PLAC1: variants seen among roughly 807,000 people sequenced by gnomAD.
PLAC1 encodes the protein placenta associated 1, also known as placenta-specific protein 1.
For synonymous variants in PLAC1, 68 were observed against 62.1 expected, an observed-to-expected ratio of 1.09 and a Z score of -0.44; for missense variants, 136 against 163.2, an observed-to-expected ratio of 0.83 and a Z score of 0.91.
intron 1 of PLAC1, among the ~76,000 whole-genome samples, chrX:134,647,778 T>C (rs1013564186): frequency 9.0e-6 from 1 of 111,578 alleles, no homozygotes; most frequent in Non-Finnish European, 1.9e-5. Flanking sequence ...TTGTGTCATA[T>C]CCATAACCTT....
At chrX:134,580,980 C>T (rs1474746237) in intron 2 of PLAC1, among the ~76,000 whole-genome samples, 2 of 112,041 alleles carry the variant, frequency 1.8e-5, no homozygotes, top group Non-Finnish European at 3.8e-5. Flanking sequence ...AATAAATCTT[C>T]CTGAATGGAA....
chrX:134,744,294 A>G (rs1223076535), intron 1 of PLAC1, among the ~76,000 whole-genome samples: 3 of 110,134 alleles, frequency 2.7e-5, no homozygotes, highest in Non-Finnish European at 3.8e-5. Flanking sequence ...AAAAAAAAAA[A>G]AAAGAAAAAG....
chrX:134,737,058 G>A (rs1192564014), intron 1 of PLAC1, among the ~76,000 whole-genome samples: 3 of 112,288 alleles, frequency 2.7e-5, no homozygotes, highest in Non-Finnish European at 3.8e-5. Context: ...CTAGCAGCCC[G>A]GTGACCTATT....
chrX:134,722,452 C>G (rs1412606374), intron 2 of PLAC1, among the ~76,000 whole-genome samples: 2 of 112,080 alleles, frequency 1.8e-5, no homozygotes, highest in Admixed American at 1.9e-4. Context: ...TACACGATTC[C>G]ACTTACATGA....
intron 2 of PLAC1, among the ~76,000 whole-genome samples, chrX:134,588,290 T>TTTTTTTTA (rs1432747413): frequency 1.0e-3 from 75 of 74,655 alleles, no homozygotes; most frequent in African/African-American, 3.2e-3. Context: ...GAACTCTTTA[T>TTTTTTTTA]TTTATTTATT....
chrX:134,680,298 A>G (rs779258713), intron 2 of PLAC1, among the ~76,000 whole-genome samples: 1 of 111,679 alleles, frequency 9.0e-6, no homozygotes, highest in African/African-American at 3.3e-5. Flanking sequence ...TGACCTGGCT[A>G]AAGTCATGCA....
rs149596763 is a variant in PLAC1 at position 134,693,261 on chromosome X, C to G, written n.174+40174G>C. ...CTGCCTCCAGCTCTCCAGTATTACC[C>G]ATATCTCACCAAGTTCAAAAGTGAT... On this transcript the variant is annotated intron_variant and non_coding_transcript_variant, in intron 2 of 2. Coordinates refer to the PLAC1 transcript ENST00000466797. Among the ~76,000 whole-genome samples the G allele has an allele frequency of 4.1e-3, 461 of 111,490 alleles. 1 individual carries two copies. The highest frequency in any genetic ancestry group is 0.015 in the African/African-American group (446 of 30,630).
intron 2 of PLAC1, among the ~76,000 whole-genome samples, chrX:134,577,237 G>C (rs747939608): frequency 4.5e-5 from 5 of 112,183 alleles, no homozygotes; most frequent in Admixed American, 1.9e-4. Flanking sequence ...TAATATCAGG[G>C]AGACGTTCCC....
intron 1 of PLAC1, among the ~76,000 whole-genome samples, chrX:134,760,636 T>G (rs1454910547): frequency 1.8e-5 from 2 of 108,986 alleles, no homozygotes; most frequent in Non-Finnish European, 3.8e-5. Context: ...CAGTGTTAGG[T>G]TAAAAAAAAA....
Position 134,678,287 on chromosome X carries a change from C to A in PLAC1, n.174+55148G>T, listed in dbSNP as rs959429785. The stretch of plus-strand genomic sequence containing the variant: ...CTACCAACCTCTCCAAACTCATTTC[C>A]TGCCACTCTTCTGGTCACTGTCTGT... On this transcript the variant is annotated intron_variant and non_coding_transcript_variant, in intron 2 of 2. Coordinates refer to the PLAC1 transcript ENST00000466797. Among the ~76,000 whole-genome samples the A allele has an allele frequency of 4.5e-5, 5 of 111,907 alleles. No individual in the cohort carries two copies. The East Asian group carries it at 1.4e-3, about 31-fold the overall frequency.
chrX:134,708,892 C>T (rs1033738527), intron 2 of PLAC1, among the ~76,000 whole-genome samples: 2 of 111,107 alleles, frequency 1.8e-5, no homozygotes, highest in Non-Finnish European at 3.8e-5. Context: ...GAATTATATA[C>T]ACACATATTG....
intron 2 of PLAC1, among the ~76,000 whole-genome samples, chrX:134,693,598 C>T (rs2078551665): frequency 9.0e-6 from 1 of 111,683 alleles, no homozygotes; most frequent in East Asian, 2.8e-4. Flanking sequence ...CATAGCTTCT[C>T]CTGTCTTGTT....
In PLAC1 at chrX:134,619,018, A is replaced by G. The variant is rs746104306; in HGVS notation, c.-130-16896T>C. Among the ~76,000 whole-genome samples, 272 of 112,509 alleles carry G rather than the reference A, an allele frequency of 2.4e-3. 3 individuals carry two copies. The highest frequency in any genetic ancestry group is 8.3e-3 in the African/African-American group (256 of 31,006). On this transcript the variant is annotated intron_variant, in intron 1 of 2. Coordinates refer to ENST00000359237, the MANE Select transcript of PLAC1 (RefSeq NM_021796.4). ...GACAGAGAAAAAGTCAAAGCTTGGC[A>G]CTATGTCCCATGGGTACCTATCCTT...
intron 2 of PLAC1, among the ~76,000 whole-genome samples, chrX:134,677,036 G>A: frequency 8.9e-6 from 1 of 112,757 alleles, no homozygotes; most frequent in Non-Finnish European, 1.9e-5. Flanking sequence ...ATAAGTGTTT[G>A]TTACAAACTG....
chrX:134,741,199 T>C (rs1020804313), intron 1 of PLAC1, among the ~76,000 whole-genome samples: 1 of 112,039 alleles, frequency 8.9e-6, no homozygotes, highest in Admixed American at 9.5e-5. Flanking sequence ...ACCCACCACT[T>C]TGGGTAAACA....
intron 2 of PLAC1, among the ~76,000 whole-genome samples, chrX:134,569,706 C>T (rs1009760414): frequency 9.4e-6 from 1 of 106,854 alleles, no homozygotes; most frequent in African/African-American, 3.4e-5. Context: ...CTCCCTTCTC[C>T]TGCTACCTGC....
intron 1 of PLAC1, among the ~76,000 whole-genome samples, chrX:134,617,618 G>A (rs1048398788): frequency 3.6e-5 from 4 of 111,657 alleles, no homozygotes; most frequent in African/African-American, 1.3e-4. Context: ...TTGTTAATGA[G>A]GTGTATCACA....
At chrX:134,723,142 A>G (rs1482587332) in intron 2 of PLAC1, among the ~76,000 whole-genome samples, 1 of 111,621 alleles carries the variant, frequency 9.0e-6, no homozygotes, top group African/African-American at 3.3e-5. Context: ...AACTTTAAAT[A>G]TACTTGTTTT....
intron 1 of PLAC1, chrX:134,650,962 T>C: frequency 8.7e-6 from 2 of 229,466 alleles, no homozygotes; most frequent in South Asian, 1.4e-4. Flanking sequence ...GAGCTGAATA[T>C]CACAGCAGCC....
Sources: gnomAD v4.1 joint callset for allele counts (sites outside exome capture counted in the v4.1 genomes callset) on GRCh38, gnomAD v4.1.1 for gene constraint, MANE v1.5 for transcripts, NCBI Gene and HGNC (gene_info 2026-07-23, HGNC 2026-07-21) for gene names.